KLHL13: variants seen among roughly 807,000 people sequenced by gnomAD.
KLHL13 encodes the protein kelch like family member 13.
KLHL13 carries 10 observed loss-of-function variants against 37.1 expected under a neutral mutation model. The observed-to-expected ratio is 0.27, with a 90% CI of 0.17 to 0.46. The LOEUF is 0.46. Ranked by LOEUF, KLHL13 falls within the 20% of genes least tolerant of loss-of-function variation. KLHL13 has a pLI of 1.00. For missense variants in KLHL13, 360 were observed against 509.3 expected (o/e 0.71, Z 2.82); for synonymous variants, 163 against 181.2 (o/e 0.90, Z 0.81).
intron 1 of KLHL13, among the ~76,000 whole-genome samples, chrX:118,091,588 A>G (rs2055135603): frequency 9.1e-6 from 1 of 110,456 alleles, no homozygotes; most frequent in Non-Finnish European, 1.9e-5. Flanking sequence ...TAATTATCCA[A>G]CCTTAAAAAC....
chrX:117,960,339 A>G (rs1422977538), intron 1 of KLHL13, among the ~76,000 whole-genome samples: 1 of 111,723 alleles, frequency 9.0e-6, no homozygotes, highest in South Asian at 3.8e-4. Context: ...ACTTTCCTGG[A>G]TGCACCTCCA....
intron 1 of KLHL13, among the ~76,000 whole-genome samples, chrX:118,080,646 T>G (rs2054981157): frequency 8.9e-6 from 1 of 111,967 alleles, no homozygotes; most frequent in Non-Finnish European, 1.9e-5. Flanking sequence ...AAGGGAACAC[T>G]TATACACTGT....
chrX:117,999,411 G>T (rs1569286179), intron 1 of KLHL13, among the ~76,000 whole-genome samples: 1 of 110,998 alleles, frequency 9.0e-6, no homozygotes, highest in Non-Finnish European at 1.9e-5. Context: ...GATGAAGCTA[G>T]AAACCATCAT....
intron 1 of KLHL13, among the ~76,000 whole-genome samples, chrX:118,083,785 A>G: frequency 8.9e-6 from 1 of 111,876 alleles, no homozygotes; most frequent in East Asian, 2.8e-4. Context: ...CCCTGATTTG[A>G]TCATTACATA....
intron 1 of KLHL13, among the ~76,000 whole-genome samples, chrX:118,048,148 T>C (rs1413910931): frequency 9.0e-6 from 1 of 110,667 alleles, no homozygotes; most frequent in East Asian, 2.8e-4. Flanking sequence ...TAATAGAGAG[T>C]AGAGAAATGG....
chrX:117,987,428 G>A (rs2053741100), intron 1 of KLHL13, among the ~76,000 whole-genome samples: 1 of 111,293 alleles, frequency 9.0e-6, no homozygotes, highest in African/African-American at 3.3e-5. Context: ...GGTTAATAAT[G>A]TTAGCTAGGA....
intron 1 of KLHL13, among the ~76,000 whole-genome samples, chrX:118,014,657 G>A (rs776488456): frequency 8.9e-6 from 1 of 112,370 alleles, no homozygotes; most frequent in Non-Finnish European, 1.9e-5. Flanking sequence ...CACAGAACCT[G>A]ACGATATGTG....
At chrX:117,984,242 C>A (rs191542483) in intron 1 of KLHL13, among the ~76,000 whole-genome samples, 304 of 111,489 alleles carry the variant, frequency 2.7e-3, no homozygotes, top group Non-Finnish European at 4.8e-3. Context: ...AAAATAGAGA[C>A]CACTACAGAA....
chrX:118,042,686 A>C (rs2148058213), intron 1 of KLHL13, among the ~76,000 whole-genome samples: 1 of 111,992 alleles, frequency 8.9e-6, no homozygotes, highest in Non-Finnish European at 1.9e-5. Context: ...AATTCAAAAA[A>C]TTCTTGAAAC....
intron 1 of KLHL13, among the ~76,000 whole-genome samples, chrX:118,075,693 A>C (rs1047205516): frequency 9.0e-6 from 1 of 111,662 alleles, no homozygotes; most frequent in African/African-American, 3.3e-5. Flanking sequence ...AAAGAAAATC[A>C]TGTAGGATAG....
chrX:118,076,456 C>T (rs1009894003), intron 1 of KLHL13, among the ~76,000 whole-genome samples: 4 of 111,208 alleles, frequency 3.6e-5, no homozygotes, highest in African/African-American at 1.3e-4. Flanking sequence ...TTTAGCATGC[C>T]TTAGATAAAA....
At chrX:117,905,333 TTA>T (rs1459960363) in intron 5 of KLHL13, among the ~76,000 whole-genome samples, 3 of 112,259 alleles carry the variant, frequency 2.7e-5, no homozygotes, top group Non-Finnish European at 5.6e-5. Flanking sequence ...GATTGATTTC[TTA>T]TATGACACAA....
exon 7 of KLHL13, chrX:117,899,081 T>C: frequency 8.3e-7 from 1 of 1,211,172 alleles, no homozygotes; most frequent in Non-Finnish European, 1.1e-6. Flanking sequence ...ATACAACGAT[T>C]ATTCCAAGAA....
At chrX:117,975,672 T>G (rs1019646076), upstream of KLHL13, among the ~76,000 whole-genome samples, 7 of 112,229 alleles carry the variant, frequency 6.2e-5, no homozygotes, top group Admixed American at 1.9e-4. Flanking sequence ...ATTAAAGGCG[T>G]GAGCCACCGT....
chrX:117,949,999 G>T (rs1379774668), intron 1 of KLHL13, among the ~76,000 whole-genome samples: 1 of 111,990 alleles, frequency 8.9e-6, no homozygotes, highest in Non-Finnish European at 1.9e-5. Context: ...TTTCTGAAGG[G>T]AAAAAAGAAG....
At chrX:117,935,248 A>AT (rs2147764167) in intron 2 of KLHL13, among the ~76,000 whole-genome samples, 1 of 112,896 alleles carries the variant, frequency 8.9e-6, no homozygotes, top group East Asian at 2.8e-4. Flanking sequence ...CATAAACAAA[A>AT]TATCTACACA....
chrX:117,899,315 T>C (rs2147585111), exon 7 of KLHL13: 3 of 1,211,211 alleles, frequency 2.5e-6, no homozygotes, highest in Non-Finnish European at 2.2e-6. Context: ...ACAGTGGTCA[T>C]TGGCGCCTTC....
intron 1 of KLHL13, among the ~76,000 whole-genome samples, chrX:118,116,016 T>C (rs1305767208): frequency 8.9e-6 from 1 of 111,946 alleles, no homozygotes; most frequent in Non-Finnish European, 1.9e-5. Context: ...AGTTAAAAGC[T>C]TCGAGGAAGA....
At chrX:118,068,001 T>G (rs1383183720) in intron 1 of KLHL13, among the ~76,000 whole-genome samples, 1 of 110,913 alleles carries the variant, frequency 9.0e-6, no homozygotes, top group Admixed American at 9.7e-5. Flanking sequence ...CACAGTGGGG[T>G]CGTTTACACC....
Sources: gnomAD v4.1 joint callset for allele counts (sites outside exome capture counted in the v4.1 genomes callset) on GRCh38, gnomAD v4.1.1 for gene constraint, MANE v1.5 for transcripts, NCBI Gene and HGNC (gene_info 2026-07-23, HGNC 2026-07-21) for gene names.